The following ITPRIPL1 variants were observed in gnomAD, a reference collection of about 807,000 sequenced individuals.
ITPRIPL1 encodes the protein ITPRIP like 1.
A neutral mutation model predicts 40.0 loss-of-function variants in ITPRIPL1; 28 were observed. That is an observed-to-expected ratio of 0.70 (90% CI 0.52 to 0.96). The LOEUF is 0.96. Among genes scored for constraint, ITPRIPL1 ranks in the 40% least tolerant of loss-of-function variants. The pLI is 0.00. For missense variants in ITPRIPL1, 638 were observed against 698.0 expected (o/e 0.91, Z 0.97); for synonymous variants, 251 against 275.7 (o/e 0.91, Z 0.89).
rs766250736 is a variant in ITPRIPL1, at chr2:96,327,289, G to A, written c.658G>A (p.Gly220Arg). The change falls in exon 3 of 3, where the codon GGG (glycine) becomes AGG (arginine). Residue 220 changes from glycine (G) to arginine (R), a missense_variant. Transcript: ENST00000439118. Reference protein sequence around the residue: ...HPQLEDCLGIGAAFEKWGTLH... With the variant: ...HPQLEDCLGIRAAFEKWGTLH... Reference sequence around the variant, plus strand: ...ACAATTGGAAGACTGCCTGGGCATCGGGGCTGCCTTTGAGAAATGGGGAAC... The same window carrying A: ...ACAATTGGAAGACTGCCTGGGCATCAGGGCTGCCTTTGAGAAATGGGGAAC... 9.3e-6 allele frequency: 15 copies of A among 1,613,986 alleles called. No homozygotes were observed. Among genetic ancestry groups the A allele is most frequent in the African/African-American group, 5.3e-5 (4 of 74,892 alleles).
Position 96,326,568 on chromosome 2 carries a change from C to G in ITPRIPL1, c.11-74C>G, listed in dbSNP as rs761878785. The G allele has an allele frequency of 6.3e-6, 10 of 1,599,120 alleles. No individual in the cohort carries two copies. The East Asian group carries it at 2.2e-4, about 36-fold the overall frequency. Reference sequence around the variant, plus strand: ...ATTTTCAGAATTTGGGGTACCAGGGCTCTGGGGAATGTGAGCTAGAGAGCA... The same window carrying G: ...ATTTTCAGAATTTGGGGTACCAGGGGTCTGGGGAATGTGAGCTAGAGAGCA... On this transcript the variant is annotated intron_variant, in intron 2 of 2. Transcript: ENST00000439118.
At chr2:96,329,385 C>T (rs1402973484), downstream of ITPRIPL1, 2 of 151,638 alleles carry the variant, frequency 1.3e-5, no homozygotes, top group Non-Finnish European at 2.9e-5. Context: ...ATCTGATGAC[C>T]TTTTTAAGGT....
Position 96,327,255 on chromosome 2 carries a change from G to A in ITPRIPL1, c.624G>A (p.Glu208=). ...IEACRVLSRQ[E]AHPQLEDCLG... ...CCTGTCGGGTGCTCAGCCGCCAAGA[G>A]GCTCACCCACAATTGGAAGACTGCC... is the stretch of plus-strand genomic sequence containing the variant. Residue 208 remains glutamate (E), a synonymous_variant, in exon 3 of 3, where the codon GAG becomes GAA. Transcript: ENST00000439118. The A allele has an allele frequency of 6.2e-7, 1 of 1,614,128 alleles. No homozygotes were observed. Among genetic ancestry groups the A allele is most frequent in the Non-Finnish European group, 8.5e-7 (1 of 1,180,020 alleles).
chr2:96,328,301 GT>G lies in ITPRIPL1; in HGVS notation c.*3del, dbSNP rs759084085. ...GCCCCACTGGCTGCAGCACCTTGAT[GT>G]AAAGACCATTAAAAAAAAAACAGAG... On this transcript the variant is annotated 3_prime_UTR_variant, in exon 3 of 3. Transcript: ENST00000439118. 6.3e-7 allele frequency: 1 copy of G among 1,583,444 alleles called. No individual in the cohort carries two copies. The highest frequency in any genetic ancestry group is 1.2e-5 in the South Asian group (1 of 85,850).
At chr2:96,330,357 T>C (rs979541321), downstream of ITPRIPL1, 1 of 151,100 alleles carries the variant, frequency 6.6e-6, no homozygotes, top group African/African-American at 2.4e-5. Flanking sequence ...TGCCTGCATC[T>C]GTCAGGTACC....
intron 2 of ITPRIPL1, 29 bp from the exon 3 acceptor site, chr2:96,326,613 C>A: frequency 6.2e-7 from 1 of 1,613,844 alleles, no homozygotes; most frequent in Non-Finnish European, 8.5e-7. Context: ...GGAAGATGAC[C>A]ACTGACTCCT....
Position 96,327,379 on chromosome 2 carries a change from G to A in ITPRIPL1, c.748G>A (p.Val250Ile), listed in dbSNP as rs2064121496. The change falls in exon 3 of 3, where the codon GTC becomes ATC. Residue 250 changes from valine (V) to isoleucine (I), a missense_variant. Val to Ile is a conservative substitution (Grantham distance 29, BLOSUM62 3). Coordinates refer to ENST00000439118, the MANE Select transcript of ITPRIPL1 (RefSeq NM_001008949.3). Reference sequence around the variant, plus strand: ...TGTCCCCCCACAGGGCACCATGTTTGTCCTGGAGATGAGGGACCCAGCCCT... The same window carrying A: ...TGTCCCCCCACAGGGCACCATGTTTATCCTGGAGATGAGGGACCCAGCCCT... ...PIVPPQGTMFVLEMRDPALGR... is the reference protein window; with the variant it reads ...PIVPPQGTMFILEMRDPALGR... 3.7e-6 allele frequency: 6 copies of A among 1,614,122 alleles called. No homozygotes were observed. Among genetic ancestry groups the A allele is most frequent in the Non-Finnish European group, 5.1e-6 (6 of 1,180,002 alleles).
chr2:96,328,315 A>C lies in ITPRIPL1; in HGVS notation c.*16A>C. The C allele has an allele frequency of 1.9e-6, 3 of 1,573,758 alleles. No individual in the cohort carries two copies. Among genetic ancestry groups the C allele is most frequent in the Non-Finnish European group, 2.6e-6 (3 of 1,164,312 alleles). On this transcript the variant is annotated 3_prime_UTR_variant, in exon 3 of 3. Transcript: ENST00000439118. ...AGCACCTTGATGTAAAGACCATTAA[A>C]AAAAAAACAGAGGAAGGTATTTCTA...
rs757355915 is a variant in ITPRIPL1 at position 96,327,599 on chromosome 2, G to A, written c.968G>A (p.Arg323Gln). The A allele has an allele frequency of 2.2e-5, 36 of 1,608,706 alleles. No homozygotes were observed. The highest frequency in any genetic ancestry group is 7.7e-5 in the South Asian group (7 of 90,348). Residue 323 changes from arginine (R) to glutamine (Q), a missense_variant, in exon 3 of 3, where the codon CGG becomes CAG. Physicochemically the swap from Arg to Gln is conservative, Grantham distance 43. Transcript: ENST00000439118. ...LDVCKTVQWF[R>Q]NMMGNAWALV... is the part of the protein sequence containing the mutation. ...GTGTGCAAGACTGTGCAGTGGTTCC[G>A]GAACATGATGGGCAATGCCTGGGCC... is the stretch of plus-strand genomic sequence containing the variant.
chr2:96,327,925 C>T lies in ITPRIPL1; in HGVS notation c.1294C>T (p.His432Tyr), dbSNP rs2064131335. ...CCAGATCATTTTAAGTCTCCGGCAG[C>T]ATCAGAGCTTACCCCATGGAGCATC... is the stretch of plus-strand genomic sequence containing the variant. ...CLQIILSLRQ[H>Y]QSLPHGASRP... The change falls in exon 3 of 3, where the codon CAT becomes TAT. Residue 432 changes from histidine to tyrosine, a missense_variant. Physicochemically the swap from His to Tyr is moderately conservative, Grantham distance 83. Coordinates refer to ENST00000439118, the MANE Select transcript of ITPRIPL1 (RefSeq NM_001008949.3). 1 of 1,614,106 alleles carries T rather than the reference C, an allele frequency of 6.2e-7. No homozygotes were observed. The highest frequency in any genetic ancestry group is 1.7e-5 in the Admixed American group (1 of 60,010).
At chr2:96,326,587 G>T (rs1304322633) in intron 2 of ITPRIPL1, 55 bp from the exon 3 acceptor site, 1 of 1,610,524 alleles carries the variant, frequency 6.2e-7, no homozygotes, top group African/African-American at 1.3e-5. Context: ...ATGTGAGCTA[G>T]AGAGCAGATA....
At chr2:96,325,639 G>C (rs1405265264) in intron 1 of ITPRIPL1, 74 bp downstream of exon 1, 1 of 633,880 alleles carries the variant, frequency 1.6e-6, no homozygotes, top group Non-Finnish European at 2.9e-6. Flanking sequence ...CGGATAGGCG[G>C]GTGAGAGTAC....
Position 96,327,786 on chromosome 2 carries a change from C to A in ITPRIPL1, c.1155C>A (p.Asp385Glu). 1.9e-6 allele frequency: 3 copies of A among 1,614,174 alleles called. No homozygotes were observed. Among genetic ancestry groups the A allele is most frequent in the Non-Finnish European group, 2.5e-6 (3 of 1,180,022 alleles). Residue 385 changes from aspartate (D) to glutamate (E), a missense_variant, in exon 3 of 3, where the codon GAC becomes GAA. Physicochemically the swap from Asp to Glu is conservative, Grantham distance 45. Coordinates refer to ENST00000439118, the MANE Select transcript of ITPRIPL1 (RefSeq NM_001008949.3). ...TCTACCTGGTGAGTCAGGCTCCTGACCAGGAGCAGCTCACCAGTGTGGACT... is the reference window on the plus strand; with the variant it reads ...TCTACCTGGTGAGTCAGGCTCCTGAACAGGAGCAGCTCACCAGTGTGGACT... ...TLVYLVSQAP[D>E]QEQLTSVDWP...
At chr2:96,329,976 G>A (rs1459132195), downstream of ITPRIPL1, 1 of 152,150 alleles carries the variant, frequency 6.6e-6, no homozygotes, top group African/African-American at 2.4e-5. Context: ...CCAAAGCCAG[G>A]TGCAGTGGCT....
At chr2:96,329,154 T>G (rs2064143308), downstream of ITPRIPL1, 1 of 17,384 alleles carries the variant, frequency 5.8e-5, no homozygotes, top group Non-Finnish European at 1.0e-4. Flanking sequence ...AAAAATTATA[T>G]ATATATATAT....
At position 96,328,240 on chromosome 2, in the gene ITPRIPL1, C is replaced by G. The variant is rs767413508; in HGVS notation, c.1609C>G (p.Gln537Glu). 6.2e-7 allele frequency: 1 copy of G among 1,614,004 alleles called. No individual in the cohort carries two copies. The highest frequency in any genetic ancestry group is 1.3e-5 in the African/African-American group (1 of 74,892). Residue 537 changes from glutamine (Q) to glutamate (E), a missense_variant, in exon 3 of 3, where the codon CAA becomes GAA. Coordinates refer to ENST00000439118, the MANE Select transcript of ITPRIPL1 (RefSeq NM_001008949.3). ...ACATTCACAGGCAGTGGAAGAGTTC[C>G]AAAACCTTCTGACCCAGGTGAAAAC... ...KAHSQAVEEF[Q>E]NLLTQVKTLP...
At chr2:96,325,609 G>T in intron 1 of ITPRIPL1, 44 bp downstream of exon 1, 1 of 601,910 alleles carries the variant, frequency 1.7e-6, no homozygotes, top group Non-Finnish European at 3.0e-6. Context: ...CCCGAGGTAG[G>T]ATGGGCCCTT....
At chr2:96,328,724 G>A (rs1260038476), downstream of ITPRIPL1, 3 of 158,426 alleles carry the variant, frequency 1.9e-5, no homozygotes, top group African/African-American at 7.2e-5. Flanking sequence ...TGGTTTCCTT[G>A]TTGAACTGTT....
rs141045205 is a variant in ITPRIPL1, at chr2:96,326,799, G to A, written c.168G>A (p.Glu56=). 9 of 1,614,238 alleles carry A rather than the reference G, an allele frequency of 5.6e-6. No individual in the cohort carries two copies. Among genetic ancestry groups the A allele is most frequent in the Non-Finnish European group, 5.9e-6 (7 of 1,180,048 alleles). ...KRMSEEMRLL[E]MEFEERKRAA... Reference sequence around the variant, plus strand: ...TGAGTGAGGAGATGCGCCTGCTAGAGATGGAGTTTGAAGAGAGAAAGCGAG... The same window carrying A: ...TGAGTGAGGAGATGCGCCTGCTAGAAATGGAGTTTGAAGAGAGAAAGCGAG... Residue 56 remains glutamate (E), a synonymous_variant, in exon 3 of 3, where the codon GAG becomes GAA. Transcript: ENST00000439118.
Sources: allele counts gnomAD v4.1 joint callset, GRCh38; gene constraint gnomAD v4.1.1; transcripts MANE v1.5; gene names NCBI Gene and HGNC (gene_info 2026-07-23, HGNC 2026-07-21).